Variants in NKAIN3 observed in about 807,000 individuals in gnomAD.
NKAIN3 encodes sodium/potassium transporting ATPase interacting 3.
A neutral mutation model predicts 30.2 loss-of-function variants in NKAIN3; 25 were observed. The ratio of observed to expected loss-of-function variants is 0.83; its 90% CI spans 0.60 to 1.16. The LOEUF (loss-of-function observed/expected upper bound fraction) is 1.16, where lower values mean the gene tolerates loss of function less well. Among genes scored for constraint, NKAIN3 ranks in the 50% most tolerant of loss-of-function variants. The pLI is 0.00. For missense variants in NKAIN3, 225 were observed against 254.1 expected (o/e 0.89, Z 0.78); for synonymous variants, 91 against 89.6 (o/e 1.02, Z -0.09).
intron 3 of NKAIN3, among the ~76,000 whole-genome samples, chr8:62,705,791 C>G (rs1814500243): frequency 6.6e-6 from 1 of 152,110 alleles, no homozygotes. Context: ...TTAAAGCAAC[C>G]TGTTCATGGT....
chr8:62,772,752 C>T lies in NKAIN3; in HGVS notation c.471+25623C>T, dbSNP rs369866055. Among the ~76,000 whole-genome samples, 65 of 151,730 alleles carry T rather than the reference C, an allele frequency of 4.3e-4. No homozygotes were observed. In the East Asian group the frequency reaches 0.011, roughly 26 times the overall value. The stretch of plus-strand genomic sequence containing the variant: ...CTCAGCTCACTGCAACCTCCACCTG[C>T]CAGGTTCAAGCGATTCTTTTGCCTC... On this transcript the variant is annotated intron_variant, in intron 4 of 6. Transcript: ENST00000623646.
chr8:62,838,220 G>T (rs959737335), intron 4 of NKAIN3, among the ~76,000 whole-genome samples: 1 of 151,130 alleles, frequency 6.6e-6, no homozygotes, highest in African/African-American at 2.4e-5. Flanking sequence ...GATTCCTTTT[G>T]GTGGGGAGAT....
intron 1 of NKAIN3, among the ~76,000 whole-genome samples, chr8:62,251,425 G>A (rs942450954): frequency 6.6e-6 from 1 of 151,940 alleles, no homozygotes. Flanking sequence ...ATTCAATTTT[G>A]GCAGAATCTT....
chr8:62,326,109 A>G (rs990112741), intron 1 of NKAIN3, among the ~76,000 whole-genome samples: 1 of 152,058 alleles, frequency 6.6e-6, no homozygotes, highest in African/African-American at 2.4e-5. Flanking sequence ...AAATAAAGAT[A>G]AAAATGTATT....
intron 4 of NKAIN3, chr8:62,856,581 T>A (rs570316059): frequency 1.3e-6 from 1 of 784,702 alleles, no homozygotes; most frequent in African/African-American, 1.7e-5. Context: ...GTTGTCTTCA[T>A]TGGTGAACAG....
intron 5 of NKAIN3, among the ~76,000 whole-genome samples, chr8:62,931,764 C>T (rs534865721): frequency 1.3e-5 from 2 of 152,278 alleles, no homozygotes; most frequent in South Asian, 4.1e-4. Context: ...ATACAGAAGA[C>T]TTTACTCCTA....
intron 1 of NKAIN3, among the ~76,000 whole-genome samples, chr8:62,567,962 A>G (rs1809810072): frequency 6.6e-6 from 1 of 152,210 alleles, no homozygotes; most frequent in Non-Finnish European, 1.5e-5. Flanking sequence ...TGTTTTTCAC[A>G]TGTGTATCAA....
intron 1 of NKAIN3, among the ~76,000 whole-genome samples, chr8:62,284,412 A>C (rs1813302893): frequency 6.6e-6 from 1 of 152,040 alleles, no homozygotes; most frequent in African/African-American, 2.4e-5. Context: ...AGATCACCTG[A>C]GGTCGGGAGT....
At chr8:62,765,577 T>C (rs566601632) in intron 4 of NKAIN3, among the ~76,000 whole-genome samples, 3 of 152,328 alleles carry the variant, frequency 2.0e-5, no homozygotes, top group South Asian at 2.1e-4. Context: ...GGAGCTAGGG[T>C]ATAAGAAAGG....
intron 1 of NKAIN3, among the ~76,000 whole-genome samples, chr8:62,434,287 G>A (rs1805103468): frequency 6.6e-6 from 1 of 152,136 alleles, no homozygotes; most frequent in Non-Finnish European, 1.5e-5. Flanking sequence ...CCATCACTAA[G>A]TGATGCAAGT....
intron 4 of NKAIN3, among the ~76,000 whole-genome samples, chr8:62,870,475 G>T (rs1820593138): frequency 7.6e-6 from 1 of 131,028 alleles, no homozygotes. Flanking sequence ...CATATATATT[G>T]TATATAATGT....
chr8:62,901,553 G>A (rs1054954256), intron 4 of NKAIN3, among the ~76,000 whole-genome samples: 5 of 152,092 alleles, frequency 3.3e-5, no homozygotes, highest in Non-Finnish European at 5.9e-5. Context: ...GCCTAATTTT[G>A]ACTCTTGTGC....
At chr8:62,503,630 T>C (rs1839870) in intron 1 of NKAIN3, among the ~76,000 whole-genome samples, 112,633 of 151,674 alleles carry the variant, frequency 0.74, 41,983 homozygotes, top group South Asian at 0.81. Context: ...CTATGGACCT[T>C]CCCCCAGGAA....
At position 62,838,074 on chromosome 8, in the gene NKAIN3, G is replaced by A. The variant is rs186129194; in HGVS notation, c.472-80379G>A. 3.0e-4 allele frequency among the ~76,000 whole-genome samples: 46 copies of A among 151,814 alleles called. No homozygotes were observed. The East Asian group carries it at 8.2e-3, about 27-fold the overall frequency. ...AGAGGAAGTACTTAAGTCCTAGGAC[G>A]TAGAAGTGTGCAAAGGTGTGTGTGT... On this transcript the variant is annotated intron_variant, in intron 4 of 6. Coordinates refer to ENST00000623646, the MANE Select transcript of NKAIN3 (RefSeq NM_001304533.3).
At chr8:62,440,334 G>A (rs887178252) in intron 1 of NKAIN3, among the ~76,000 whole-genome samples, 4 of 152,200 alleles carry the variant, frequency 2.6e-5, no homozygotes, top group African/African-American at 9.6e-5. Flanking sequence ...CACTGGGGAT[G>A]AAAAGCTGGT....
intron 3 of NKAIN3, among the ~76,000 whole-genome samples, chr8:62,725,587 A>G (rs1815230398): frequency 6.6e-6 from 1 of 152,034 alleles, no homozygotes; most frequent in Admixed American, 6.6e-5. Context: ...CTGCTTTCCC[A>G]ACACAATTTG....
intron 1 of NKAIN3, among the ~76,000 whole-genome samples, chr8:62,553,328 C>G (rs964002624): frequency 5.3e-5 from 8 of 152,092 alleles, no homozygotes; most frequent in African/African-American, 1.9e-4. Context: ...TTTTCTTTCT[C>G]TGAAGAAAAA....
intron 5 of NKAIN3, among the ~76,000 whole-genome samples, chr8:62,952,433 A>G (rs539134319): frequency 6.6e-6 from 1 of 152,284 alleles, no homozygotes; most frequent in South Asian, 2.1e-4. Flanking sequence ...AATAAAATAG[A>G]ATATTTTTGT....
rs1267249531 is a variant in NKAIN3 at position 62,410,874 on chromosome 8, A to AAAC, written c.54+161759_54+161761dup. Among the ~76,000 whole-genome samples, 10 of 152,220 alleles carry AAAC rather than the reference A, an allele frequency of 6.6e-5. No homozygotes were observed. In the South Asian group the frequency reaches 1.7e-3, roughly 25 times the overall value. ...CTGAAATTGAGTCAGAAAAAAAACA[A>AAAC]AACAACAACAACAAAAAAATCAGTG... On this transcript the variant is annotated intron_variant, in intron 1 of 6. Coordinates refer to ENST00000623646, the MANE Select transcript of NKAIN3 (RefSeq NM_001304533.3).
Sources: gnomAD v4.1 joint callset for allele counts (sites outside exome capture counted in the v4.1 genomes callset) on GRCh38, gnomAD v4.1.1 for gene constraint, MANE v1.5 for transcripts, NCBI Gene and HGNC (gene_info 2026-07-23, HGNC 2026-07-21) for gene names.